TFEC: variants seen among roughly 807,000 people sequenced by gnomAD.
TFEC encodes transcription factor EC, also known as class E basic helix-loop-helix protein 34.
Under a neutral mutation model 41.6 loss-of-function variants are expected in TFEC, and 31 were observed. The ratio of observed to expected loss-of-function variants is 0.74; its 90% confidence interval spans 0.56 to 1.01. TFEC has a LOEUF of 1.01. Among genes scored for constraint, TFEC ranks in the 50% least tolerant of loss-of-function variants. The probability of loss-of-function intolerance (pLI) is 0.00; values close to 1 mark genes in which losing one functional copy is unlikely to be tolerated. For synonymous variants in TFEC, 143 were observed against 140.6 expected (o/e 1.02, Z -0.12); for missense variants, 402 against 404.1 (o/e 0.99, Z 0.04).
chr7:116,158,875 TA>T lies in TFEC; in HGVS notation c.-69+914del, dbSNP rs1269370181. Among the ~76,000 whole-genome samples the T allele has an allele frequency of 1.1e-4, 17 of 152,048 alleles. 1 individual carries two copies. The highest frequency in any genetic ancestry group is 2.4e-5 in the African/African-American group (1 of 41,450). On this transcript the variant is annotated intron_variant, in intron 1 of 8. Coordinates refer to the TFEC transcript ENST00000484212. The stretch of plus-strand genomic sequence containing the variant: ...TTTTGTTTTTGATATTTGCTCATAT[TA>T]AAAAGATGAAGTAACAAAAATGTAC...
At chr7:115,970,516 G>A (rs566677463) in intron 3 of TFEC, among the ~76,000 whole-genome samples, 162 of 151,998 alleles carry the variant, frequency 1.1e-3, no homozygotes, top group South Asian at 2.7e-3. Flanking sequence ...GAGGAAATGC[G>A]TTTAAAGGGT....
chr7:115,952,848 G>T (rs1342388442), intron 5 of TFEC, among the ~76,000 whole-genome samples: 1 of 152,028 alleles, frequency 6.6e-6, no homozygotes, highest in Non-Finnish European at 1.5e-5. Flanking sequence ...AAGCACTCTT[G>T]CCTTCTCTGG....
chr7:115,954,748 A>G (rs1469313457), intron 4 of TFEC, 106 bp from the exon 5 acceptor site: 13 of 791,722 alleles, frequency 1.6e-5, no homozygotes, highest in Non-Finnish European at 2.5e-5. Flanking sequence ...TATTTGCTCC[A>G]AAACGGTACA....
At chr7:116,101,593 A>G (rs1797606107) in intron 3 of TFEC, among the ~76,000 whole-genome samples, 1 of 152,210 alleles carries the variant, frequency 6.6e-6, no homozygotes, top group East Asian at 1.9e-4. Context: ...TCTTTAAATA[A>G]TTAGTTGGAG....
intron 1 of TFEC, among the ~76,000 whole-genome samples, chr7:116,143,233 C>T (rs948467775): frequency 6.6e-6 from 1 of 152,140 alleles, no homozygotes; most frequent in Non-Finnish European, 1.5e-5. Context: ...TACTGGTTGA[C>T]CTTCAGGAGA....
chr7:115,945,724 G>A (rs1791497174), intron 6 of TFEC, among the ~76,000 whole-genome samples: 1 of 151,674 alleles, frequency 6.6e-6, no homozygotes, highest in African/African-American at 2.4e-5. Context: ...AGATTCATAA[G>A]GAAGAGAAAA....
intron 3 of TFEC, among the ~76,000 whole-genome samples, chr7:116,081,967 T>C (rs1404241): frequency 0.16 from 23,684 of 151,910 alleles, 2,002 homozygotes; most frequent in East Asian, 0.33. Context: ...TTCATGTATA[T>C]GTATTTAGTG....
At chr7:116,080,279 C>T (rs549944811) in intron 3 of TFEC, among the ~76,000 whole-genome samples, 2 of 152,100 alleles carry the variant, frequency 1.3e-5, no homozygotes, top group African/African-American at 4.8e-5. Context: ...GACTTCATGA[C>T]CAAGAACCCA....
chr7:116,149,958 C>A (rs530089748), intron 1 of TFEC, among the ~76,000 whole-genome samples: 1 of 152,162 alleles, frequency 6.6e-6, no homozygotes, highest in East Asian at 1.9e-4. Flanking sequence ...GCAGTAAACT[C>A]CTTTACAACA....
At chr7:116,069,910 A>C (rs1796784726) in intron 3 of TFEC, among the ~76,000 whole-genome samples, 1 of 151,614 alleles carries the variant, frequency 6.6e-6, no homozygotes, top group Non-Finnish European at 1.5e-5. Context: ...GCCTGTAGTG[A>C]TGATGTACTC....
intron 3 of TFEC, among the ~76,000 whole-genome samples, chr7:116,072,971 AAATAATTAATT>A (rs1294267765): frequency 6.6e-6 from 1 of 151,376 alleles, no homozygotes; most frequent in Non-Finnish European, 1.5e-5. Context: ...GAGTGCAATT[AAATAATTAATT>A]AATAATTAAT....
chr7:116,003,874 C>T (rs1794691443), intron 1 of TFEC, among the ~76,000 whole-genome samples: 1 of 152,070 alleles, frequency 6.6e-6, no homozygotes, highest in African/African-American at 2.4e-5. Flanking sequence ...AAACCACACA[C>T]TTTTACATTA....
At chr7:116,036,957 C>G (rs190394228) in intron 3 of TFEC, among the ~76,000 whole-genome samples, 1 of 151,996 alleles carries the variant, frequency 6.6e-6, no homozygotes, top group Non-Finnish European at 1.5e-5. Flanking sequence ...TAATAGATAA[C>G]ATTTAAGTTT....
intron 3 of TFEC, among the ~76,000 whole-genome samples, chr7:116,058,820 T>G (rs1322648363): frequency 6.6e-6 from 1 of 151,578 alleles, no homozygotes; most frequent in Non-Finnish European, 1.5e-5. Context: ...AAAGGGAAAT[T>G]AGAAAGTATT....
In TFEC at chr7:116,068,019, G is replaced by GA. The variant is rs1208336271; in HGVS notation, c.198+42688dup. Among the ~76,000 whole-genome samples the GA allele has an allele frequency of 5.3e-5, 8 of 150,768 alleles. No homozygotes were observed. The South Asian group carries it at 6.3e-4, about 12-fold the overall frequency. On this transcript the variant is annotated intron_variant, in intron 3 of 8. Transcript: ENST00000484212. ...TCTCTCTGATATATCTAAGACATTT[G>GA]AAAAAAAATAAGTCCATAAAAATAT...
Position 116,007,188 on chromosome 7 carries a change from G to A in TFEC, c.-72-22675C>T, listed in dbSNP as rs372743926. On this transcript the variant is annotated intron_variant, in intron 1 of 7. Coordinates refer to ENST00000265440, the MANE Select transcript of TFEC (RefSeq NM_012252.4). ...TTAATGCAGGAGTTCTGACTACTGA[G>A]AGAACTGATAGAGATCCATGGGAAA... is the stretch of plus-strand genomic sequence containing the variant. 2.7e-4 allele frequency among the ~76,000 whole-genome samples: 41 copies of A among 152,028 alleles called. 1 individual carries two copies. Among genetic ancestry groups the A allele is most frequent in the East Asian group, 1.9e-3 (10 of 5,176 alleles).
At chr7:116,103,067 GACTTTTA>G (rs1168629280) in intron 3 of TFEC, among the ~76,000 whole-genome samples, 1 of 152,176 alleles carries the variant, frequency 6.6e-6, no homozygotes, top group East Asian at 1.9e-4. Flanking sequence ...TATTTTCAGA[GACTTTTA>G]AAGGTTGTGT....
chr7:116,039,796 T>G (rs1007148409), intron 3 of TFEC, among the ~76,000 whole-genome samples: 1 of 152,130 alleles, frequency 6.6e-6, no homozygotes, highest in African/African-American at 2.4e-5. Flanking sequence ...AACTCCATTT[T>G]GAGTTATTTT....
intron 3 of TFEC, among the ~76,000 whole-genome samples, chr7:116,046,644 ATAGT>A (rs1796172489): frequency 6.6e-6 from 1 of 152,222 alleles, no homozygotes; most frequent in Non-Finnish European, 1.5e-5. Context: ...AAGAAAAGAA[ATAGT>A]TAGGCATATA....
Sources: gnomAD v4.1 joint callset for allele counts (sites outside exome capture counted in the v4.1 genomes callset) on GRCh38, gnomAD v4.1.1 for gene constraint, MANE v1.5 for transcripts, NCBI Gene and HGNC (gene_info 2026-07-23, HGNC 2026-07-21) for gene names.